The following PRRG4 variants were observed in gnomAD, a reference collection of about 807,000 sequenced individuals.
PRRG4 encodes the protein transmembrane gamma-carboxyglutamic acid protein 4.
A neutral mutation model predicts 20.0 loss-of-function variants in PRRG4; 12 were observed. The ratio of observed to expected loss-of-function variants is 0.60; its 90% CI spans 0.38 to 0.97. The LOEUF (loss-of-function observed/expected upper bound fraction) is 0.97, where lower values mean the gene tolerates loss of function less well. Ranked by LOEUF, PRRG4 falls within the 50% of genes least tolerant of loss-of-function variation. The pLI, the probability that PRRG4 is intolerant of heterozygous loss-of-function variation, is 0.00. For synonymous variants in PRRG4, 94 were observed against 96.4 expected, an observed-to-expected ratio of 0.98 and a Z score of 0.15; for missense variants, 199 against 265.1, an observed-to-expected ratio of 0.75 and a Z score of 1.73.
At chr11:32,848,629 T>C (rs577751703) in intron 5 of PRRG4, among the ~76,000 whole-genome samples, 1 of 151,480 alleles carries the variant, frequency 6.6e-6, no homozygotes, top group Non-Finnish European at 1.5e-5. Context: ...TATATATATA[T>C]GTACATACCA....
At position 32,853,702 on chromosome 11, in the gene PRRG4, C is replaced by A. The variant is rs1851205170; in HGVS notation, c.*175C>A. 3 of 545,500 alleles carry A rather than the reference C, an allele frequency of 5.5e-6. No homozygotes were observed. The Admixed American group carries it at 9.4e-5, about 17-fold the overall frequency. The allele number at this position is 545,500 out of a possible 1,614,324, so 33.8% of individuals were successfully genotyped here. A position where few individuals can be genotyped will look rare whatever the true frequency, so the allele number is the denominator to read the frequency against. On this transcript the variant is annotated 3_prime_UTR_variant, in exon 6 of 6. Transcript: ENST00000257836. Reference sequence around the variant, plus strand: ...AATTACCTAGGCGTCATGGGGCATGCCTGTAGTCCCACCTACTTGGGAGGC... The same window carrying A: ...AATTACCTAGGCGTCATGGGGCATGACTGTAGTCCCACCTACTTGGGAGGC...
At chr11:32,849,155 G>T (rs1277745560) in intron 5 of PRRG4, among the ~76,000 whole-genome samples, 2 of 151,874 alleles carry the variant, frequency 1.3e-5, no homozygotes, top group Non-Finnish European at 2.9e-5. Flanking sequence ...TTGAGCCCAG[G>T]AGTTCAAGAT....
chr11:32,856,979 A>C lies in PRRG4; in HGVS notation c.*3452A>C, dbSNP rs1851231897. ...CCTAAGTAGCTGGGACCACAGGTGCACCTCGGTACACCTGGCTAATTTTTG... is the reference window on the plus strand; with the variant it reads ...CCTAAGTAGCTGGGACCACAGGTGCCCCTCGGTACACCTGGCTAATTTTTG... On this transcript the variant is annotated 3_prime_UTR_variant, in exon 6 of 6. Transcript: ENST00000257836. 6.6e-6 allele frequency: 1 copy of C among 151,356 alleles called. No individual in the cohort carries two copies. Among genetic ancestry groups the C allele is most frequent in the Admixed American group, 6.6e-5 (1 of 15,162 alleles). 9.4% of individuals were successfully genotyped at this position (151,356 alleles called of 1,614,324 possible).
At chr11:32,830,380 GA>G in intron 1 of PRRG4, 127 bp from the exon 2 acceptor site, 1 of 931,246 alleles carries the variant, frequency 1.1e-6, no homozygotes, top group Non-Finnish European at 1.5e-6. Flanking sequence ...TCCGGCGACC[GA>G]AACCGCGCGC....
Position 32,853,451 on chromosome 11 carries a change from C to G in PRRG4, c.605C>G (p.Ser202Ter). Residue 202 changes from serine (S) to a stop codon, truncating the protein, a stop_gained, in exon 6 of 6, where the codon TCA becomes TGA. Transcript: ENST00000257836. LOFTEE classifies it high-confidence loss of function. ...AVALTRKHSV[S>*]PPPPYPGHTK... Reference sequence around the variant, plus strand: ...GCGCTGACCAGAAAACACAGTGTTTCACCACCACCACCATATCCTGGGCAC... The same window carrying G: ...GCGCTGACCAGAAAACACAGTGTTTGACCACCACCACCATATCCTGGGCAC... 6.2e-7 allele frequency: 1 copy of G among 1,613,628 alleles called. No individual in the cohort carries two copies. The highest frequency in any genetic ancestry group is 8.5e-7 in the Non-Finnish European group (1 of 1,179,580).
chr11:32,830,178 G>A lies in PRRG4; in HGVS notation c.-23+5G>A. 1 of 1,041,268 alleles carries A rather than the reference G, an allele frequency of 9.6e-7. No individual in the cohort carries two copies. The highest frequency in any genetic ancestry group is 1.2e-6 in the Non-Finnish European group (1 of 866,808). The allele number at this position is 1,041,268 out of a possible 1,614,324, so 64.5% of individuals were successfully genotyped here. A position where few individuals can be genotyped will look rare whatever the true frequency, so the allele number is the denominator to read the frequency against. On this transcript the variant is annotated splice_donor_5th_base_variant and intron_variant, in intron 1 of 5. Transcript: ENST00000257836. ...AACATGTGCGGGGGGACACAGGTAC[G>A]AGGCCTGGCGGCAGGACCTCGGCGG... is the stretch of plus-strand genomic sequence containing the variant.
rs1167457696 is a variant in PRRG4, at chr11:32,854,924, C to T, written c.*1397C>T. The stretch of plus-strand genomic sequence containing the variant: ...ATAAACAGACCTAAAATCTAGGAGA[C>T]ACTAGAACTTAATGAAGTTGCCCCT... On this transcript the variant is annotated 3_prime_UTR_variant, in exon 6 of 6. Transcript: ENST00000257836. 1 of 152,132 alleles carries T rather than the reference C, an allele frequency of 6.6e-6. No homozygotes were observed. The highest frequency in any genetic ancestry group is 1.5e-5 in the Non-Finnish European group (1 of 68,026). 9.4% of individuals were successfully genotyped at this position (152,132 alleles called of 1,614,324 possible).
intron 5 of PRRG4, among the ~76,000 whole-genome samples, chr11:32,843,787 T>TC (rs1194901653): frequency 6.6e-6 from 1 of 151,780 alleles, no homozygotes; most frequent in African/African-American, 2.4e-5. Flanking sequence ...ACAAACTGTT[T>TC]CCCATTCTCC....
intron 4 of PRRG4, among the ~76,000 whole-genome samples, chr11:32,839,424 A>G (rs1305755594): frequency 6.6e-6 from 1 of 151,852 alleles, no homozygotes. Context: ...CATTCCTCTT[A>G]GGTAGGGCCC....
chr11:32,853,241 C>T (rs1851199425), intron 5 of PRRG4, 55 bp from the exon 6 acceptor site: 1 of 1,236,426 alleles, frequency 8.1e-7, no homozygotes, highest in Non-Finnish European at 1.2e-6. Context: ...AAATATTGTC[C>T]TCTCAACCTA....
chr11:32,839,838 GTATATTTTAAATATTTAAAAAATATA>G (rs1195627959), intron 4 of PRRG4, among the ~76,000 whole-genome samples: 1 of 144,428 alleles, frequency 6.9e-6, no homozygotes, highest in African/African-American at 2.5e-5. Flanking sequence ...AATATAAGTA[GTATATTTTAAATATTTAAAAAATATA>G]TATATTTTAA....
chr11:32,830,172 A>G lies in PRRG4; in HGVS notation c.-24A>G. 3 of 1,033,336 alleles carry G rather than the reference A, an allele frequency of 2.9e-6. No homozygotes were observed. Among genetic ancestry groups the G allele is most frequent in the Non-Finnish European group, 3.5e-6 (3 of 861,782 alleles). The allele number at this position is 1,033,336 out of a possible 1,614,324, so 64.0% of individuals were successfully genotyped here. ...TGCTGGAACATGTGCGGGGGGACAC[A>G]GGTACGAGGCCTGGCGGCAGGACCT... On this transcript the variant is annotated splice_region_variant and 5_prime_UTR_variant, in exon 1 of 6. Transcript: ENST00000257836.
intron 2 of PRRG4, among the ~76,000 whole-genome samples, chr11:32,832,524 A>T (rs892382006): frequency 1.6e-5 from 2 of 126,082 alleles, no homozygotes; most frequent in Non-Finnish European, 3.1e-5. Flanking sequence ...TCTGTCTCCC[A>T]GGCTGGAGTG....
chr11:32,844,866 G>A (rs568661941), intron 5 of PRRG4, among the ~76,000 whole-genome samples: 2 of 152,220 alleles, frequency 1.3e-5, no homozygotes, highest in African/African-American at 4.8e-5. Flanking sequence ...GAATGTTTAT[G>A]TATTCCCATC....
chr11:32,835,779 A>C (rs1255494932), intron 2 of PRRG4, among the ~76,000 whole-genome samples: 1 of 152,208 alleles, frequency 6.6e-6, no homozygotes, highest in Non-Finnish European at 1.5e-5. Context: ...ACTTGAATAC[A>C]GCAATTTTAA....
Position 32,840,063 on chromosome 11 carries a change from T to C in PRRG4, c.317-44T>C. 7.1e-7 allele frequency: 1 copy of C among 1,401,278 alleles called. No homozygotes were observed. 86.8% of individuals were successfully genotyped at this position (1,401,278 alleles called of 1,614,324 possible). On this transcript the variant is annotated intron_variant, in intron 4 of 5. Transcript: ENST00000257836. The surrounding 1 kb of genome is among the most constrained non-coding windows in gnomAD (Gnocchi z 4.1). ...AATTTGTTGAAATCATAGGTGATGC[T>C]ATATAGTTGTTATATTTATGTTATT...
chr11:32,844,073 C>T (rs948190084), intron 5 of PRRG4, among the ~76,000 whole-genome samples: 1 of 152,154 alleles, frequency 6.6e-6, no homozygotes, highest in Non-Finnish European at 1.5e-5. Flanking sequence ...CTGGAAGAGA[C>T]CACCAAGGTG....
chr11:32,850,038 G>A (rs1439864723), intron 5 of PRRG4, among the ~76,000 whole-genome samples: 1 of 152,214 alleles, frequency 6.6e-6, no homozygotes, highest in Non-Finnish European at 1.5e-5. Context: ...TTCTCCACAA[G>A]CTGGGAGTAA....
intron 5 of PRRG4, among the ~76,000 whole-genome samples, chr11:32,852,651 C>G (rs1352310152): frequency 6.6e-6 from 1 of 151,884 alleles, no homozygotes; most frequent in Non-Finnish European, 1.5e-5. Context: ...GCATCTTGCT[C>G]AATCCACACA....
Sources: gnomAD v4.1 joint callset for allele counts (sites outside exome capture counted in the v4.1 genomes callset) on GRCh38, gnomAD v4.1.1 for gene constraint, Gnocchi (gnomAD v3.1) non-coding constraint, MANE v1.5 for transcripts, NCBI Gene and HGNC (gene_info 2026-07-23, HGNC 2026-07-21) for gene names.